Variants in PCBP3 observed in about 807,000 individuals in gnomAD.
PCBP3 encodes poly(rC) binding protein 3, also known as poly(rC)-binding protein 3.
In PCBP3, 25 loss-of-function variants were observed where a neutral mutation model predicts 52.7. That is an observed-to-expected ratio of 0.47 (90% CI 0.35 to 0.66). The LOEUF (loss-of-function observed/expected upper bound fraction) is 0.66. Ranked by LOEUF, PCBP3 falls within the 30% of genes least tolerant of loss-of-function variation. The pLI, the probability that PCBP3 is intolerant of heterozygous loss-of-function variation, is 0.01. For synonymous variants in PCBP3, 162 were observed against 183.0 expected (o/e 0.89, Z 0.93); for missense variants, 391 against 490.3 (o/e 0.80, Z 1.91).
intron 5 of PCBP3, among the ~76,000 whole-genome samples, chr21:45,894,276 A>G (rs1010928840): frequency 2.0e-5 from 3 of 152,216 alleles, no homozygotes; most frequent in Non-Finnish European, 4.4e-5. Context: ...CACCCCTGGC[A>G]GGAGCTGACC....
intron 16 of PCBP3, among the ~76,000 whole-genome samples, chr21:45,938,508 A>G (rs1196302909): frequency 1.3e-5 from 2 of 152,210 alleles, no homozygotes; most frequent in Non-Finnish European, 2.9e-5. Flanking sequence ...GCAGCCAGGC[A>G]GGTGAATGTG....
chr21:45,667,618 A>G (rs369248100), intron 1 of PCBP3, among the ~76,000 whole-genome samples: 2 of 152,008 alleles, frequency 1.3e-5, no homozygotes, highest in African/African-American at 4.8e-5. Flanking sequence ...TAGTTATTCA[A>G]ATATGTTTAA....
intron 4 of PCBP3, among the ~76,000 whole-genome samples, chr21:45,847,220 A>G (rs1184924299): frequency 6.6e-6 from 1 of 150,632 alleles, no homozygotes; most frequent in African/African-American, 2.4e-5. Context: ...TGACCTCTTT[A>G]TTTTGGCTTG....
Position 45,917,982 on chromosome 21 carries a change from CT to C in PCBP3, c.717+354del. 3.0e-6 allele frequency: 1 copy of C among 332,284 alleles called. No homozygotes were observed. The allele number at this position is 332,284 out of a possible 1,614,324, so 20.6% of individuals were successfully genotyped here. A position where few individuals can be genotyped will look rare whatever the true frequency, so the allele number is the denominator to read the frequency against. On this transcript the variant is annotated intron_variant, in intron 13 of 17. Transcript: ENST00000681687. The surrounding 1 kb of genome is among the most constrained non-coding windows in gnomAD (Gnocchi z 5.3). ...CAGGCAGGCGTCAGTGATACTTTCT[CT>C]GCGCCTAAGAAGTTGGGTGACATTA... is the stretch of plus-strand genomic sequence containing the variant.
chr21:45,748,399 T>C (rs909561953), intron 3 of PCBP3, among the ~76,000 whole-genome samples: 7 of 152,336 alleles, frequency 4.6e-5, no homozygotes, highest in African/African-American at 1.7e-4. Context: ...TCTTTGGCGA[T>C]GAAGGGCAGT....
chr21:45,679,609 T>TGA lies in PCBP3; in HGVS notation c.-200+10660_-200+10661dup, dbSNP rs2081705281. Among the ~76,000 whole-genome samples, 4 of 152,354 alleles carry TGA rather than the reference T, an allele frequency of 2.6e-5. 1 individual carries two copies. In the South Asian group the frequency reaches 8.3e-4, roughly 32 times the overall value. The stretch of plus-strand genomic sequence containing the variant: ...CTGAAAAATGAACCCACAGTATTTC[T>TGA]GAGATATACCTATATTCTAATATGT... On this transcript the variant is annotated intron_variant, in intron 2 of 17. Transcript: ENST00000681687.
intron 9 of PCBP3, 144 bp downstream of exon 9, chr21:45,901,257 C>T: frequency 1.5e-6 from 1 of 659,680 alleles, no homozygotes; most frequent in Non-Finnish European, 2.7e-6. Context: ...ACCTCCTTTG[C>T]CTCCCAGGGC....
chr21:45,824,576 A>G (rs2093256003), intron 4 of PCBP3, among the ~76,000 whole-genome samples: 1 of 152,224 alleles, frequency 6.6e-6, no homozygotes, highest in African/African-American at 2.4e-5. Flanking sequence ...TGCTTCCGCA[A>G]CAGCGGTGAG....
intron 5 of PCBP3, among the ~76,000 whole-genome samples, chr21:45,878,197 G>C (rs1224020103): frequency 6.6e-6 from 1 of 152,246 alleles, no homozygotes; most frequent in Non-Finnish European, 1.5e-5. Flanking sequence ...CAACGCACAG[G>C]GGCAGAACTT....
At chr21:45,823,508 C>T (rs2093210565) in intron 4 of PCBP3, among the ~76,000 whole-genome samples, 1 of 152,120 alleles carries the variant, frequency 6.6e-6, no homozygotes, top group Admixed American at 6.5e-5. Flanking sequence ...CCCGCAGAAC[C>T]ACGCGTGTCC....
At chr21:45,927,894 C>T (rs1222267507) in intron 13 of PCBP3, among the ~76,000 whole-genome samples, 4 of 152,292 alleles carry the variant, frequency 2.6e-5, no homozygotes, top group South Asian at 2.1e-4. Flanking sequence ...CGCCCCTCCC[C>T]GTGCCCCATT....
rs1459032338 is a variant in PCBP3 at position 45,772,788 on chromosome 21, A to G, written c.-126+17336A>G. ...CAGCCATTCTGAATGGTTCAAGATG[A>G]CATCTCATTGTGGTTTTGATTTGCG... On this transcript the variant is annotated intron_variant, in intron 4 of 17. Transcript: ENST00000681687. Among the ~76,000 whole-genome samples the G allele has an allele frequency of 5.9e-5, 9 of 152,140 alleles. No individual in the cohort carries two copies. The South Asian group carries it at 1.9e-3, about 31-fold the overall frequency.
chr21:45,923,914 G>A (rs371214236), intron 13 of PCBP3, among the ~76,000 whole-genome samples: 2 of 65,848 alleles, frequency 3.0e-5, no homozygotes, highest in East Asian at 4.9e-4. Flanking sequence ...GGGAACAGTC[G>A]AGTGGGTAGA....
rs148518501 is a variant in PCBP3, at chr21:45,917,675, T to G, written c.717+46T>G. ...CCTCTCACCTTTCTCTTCTCATGGT[T>G]GTTTACCTACCTGCATGCTGCTGTT... is the stretch of plus-strand genomic sequence containing the variant. On this transcript the variant is annotated intron_variant, in intron 13 of 17. Transcript: ENST00000681687. The surrounding 1 kb of genome is among the most constrained non-coding windows in gnomAD (Gnocchi z 5.3). 6.9e-7 allele frequency: 1 copy of G among 1,440,656 alleles called. No homozygotes were observed. The highest frequency in any genetic ancestry group is 2.3e-5 in the East Asian group (1 of 44,100). The allele number at this position is 1,440,656 out of a possible 1,614,324, so 89.2% of individuals were successfully genotyped here. A position where few individuals can be genotyped will look rare whatever the true frequency, so the allele number is the denominator to read the frequency against.
chr21:45,833,482 G>A (rs907265746), intron 4 of PCBP3, among the ~76,000 whole-genome samples: 2 of 152,196 alleles, frequency 1.3e-5, no homozygotes, highest in Non-Finnish European at 2.9e-5. Context: ...TCCCACGTTG[G>A]CCCCTGGCAG....
At chr21:45,923,181 C>T (rs2074704656) in intron 13 of PCBP3, among the ~76,000 whole-genome samples, 1 of 152,238 alleles carries the variant, frequency 6.6e-6, no homozygotes. Context: ...TCTCCTCCCA[C>T]TTGTTCTGTG....
intron 4 of PCBP3, among the ~76,000 whole-genome samples, chr21:45,814,645 AGTGGTGAG>A: frequency 9.3e-6 from 1 of 107,642 alleles, no homozygotes; most frequent in African/African-American, 3.7e-5. Context: ...GTGGTGAGTG[AGTGGTGAG>A]TGAGTGGTGA....
At chr21:45,847,101 C>CT (rs941684030) in intron 4 of PCBP3, among the ~76,000 whole-genome samples, 1 of 150,954 alleles carries the variant, frequency 6.6e-6, no homozygotes, top group Non-Finnish European at 1.5e-5. Context: ...TGTGTCTTTG[C>CT]TTTTTTTTTC....
At chr21:45,655,777 A>G (rs1159862897) in intron 1 of PCBP3, among the ~76,000 whole-genome samples, 1 of 152,216 alleles carries the variant, frequency 6.6e-6, no homozygotes, top group African/African-American at 2.4e-5. Context: ...ACGGTCTAAT[A>G]TCCAGAGCCT....
Sources: allele counts gnomAD v4.1 joint callset (sites outside exome capture counted in the v4.1 genomes callset), GRCh38; gene constraint gnomAD v4.1.1; non-coding constraint Gnocchi (gnomAD v3.1); transcripts MANE v1.5; gene names NCBI Gene and HGNC (gene_info 2026-07-23, HGNC 2026-07-21).